ZNF34: variants seen among roughly 807,000 people sequenced by gnomAD.
The protein encoded by ZNF34 is zinc finger protein 34 (KOX 32).
In ZNF34, 8 loss-of-function variants were observed where a neutral mutation model predicts 14.4. That is an observed-to-expected ratio of 0.55 (90% CI 0.33 to 1.00). ZNF34 has a LOEUF of 1.00. Among genes scored for constraint, ZNF34 ranks in the 50% least tolerant of loss-of-function variants. ZNF34 has a pLI of 0.03. For synonymous variants in ZNF34, 235 were observed against 247.9 expected (o/e 0.95, Z 0.49); for missense variants, 538 against 674.2 (o/e 0.80, Z 2.24).
rs1825230389 is a variant in ZNF34, at chr8:144,772,339, T to C, written c.*927A>G. ...GGGGAAATGAAGAGTTATTATTTAA[T>C]AGGTACAGGGTTTCTGTTTGGAGTA... On this transcript the variant is annotated 3_prime_UTR_variant, in exon 6 of 6. Transcript: ENST00000429371. 6.6e-6 allele frequency among the ~76,000 whole-genome samples: 1 copy of C among 152,162 alleles called. No homozygotes were observed. The highest frequency in any genetic ancestry group is 1.5e-5 in the Non-Finnish European group (1 of 68,034).
rs1312830207 is a variant in ZNF34 at position 144,774,518 on chromosome 8, G to A, written c.368C>T (p.Ala123Val). The change falls in exon 6 of 6, where the codon GCC (alanine) becomes GTC (valine). Residue 123 changes from alanine to valine, a missense_variant. Ala to Val is a moderately conservative substitution (Grantham distance 64, BLOSUM62 0). Transcript: ENST00000429371. ...CTCTGACTTACTGATGTGGTCACAG[G>A]CTTCTACTGGCTCAGATCCCTGGGG... ...EDPQGSEPVE[A>V]CDHISKSEGS... is the part of the protein sequence containing the mutation. The A allele has an allele frequency of 1.2e-6, 2 of 1,613,808 alleles. No homozygotes were observed. Among genetic ancestry groups the A allele is most frequent in the Non-Finnish European group, 1.7e-6 (2 of 1,179,898 alleles).
intron 1 of ZNF34, among the ~76,000 whole-genome samples, chr8:144,780,958 CCCTGTCTCT>C (rs1825834559): frequency 6.7e-6 from 1 of 149,582 alleles, no homozygotes; most frequent in Admixed American, 6.7e-5. Context: ...GACGGTGAAA[CCCTGTCTCT>C]ACCGAAAATA....
At chr8:144,786,804 G>A (rs1468584873) in intron 1 of ZNF34, among the ~76,000 whole-genome samples, 1 of 152,046 alleles carries the variant, frequency 6.6e-6, no homozygotes, top group East Asian at 1.9e-4. Flanking sequence ...GAGGAGCACT[G>A]GCGGAGCGCG....
intron 5 of ZNF34, among the ~76,000 whole-genome samples, chr8:144,776,755 C>A (rs112847564): frequency 0.073 from 11,112 of 151,556 alleles, 1,372 homozygotes; most frequent in African/African-American, 0.26. Context: ...GTAAAAAAAT[C>A]AAAAAATTAG....
At chr8:144,778,615 C>A in intron 2 of ZNF34, 90 bp from the exon 3 acceptor site, 1 of 1,038,856 alleles carries the variant, frequency 9.6e-7, no homozygotes, top group Non-Finnish European at 1.3e-6. Flanking sequence ...ACAGCCCTGC[C>A]TGCCTCACTG....
chr8:144,774,324 A>G lies in ZNF34; in HGVS notation c.562T>C (p.Tyr188His). ...ICEQSFEQRSYLNNHKRVHRS... is the reference protein window; with the variant it reads ...ICEQSFEQRSHLNNHKRVHRS... The stretch of plus-strand genomic sequence containing the variant: ...TGTACACGCTTATGGTTGTTGAGAT[A>G]TGATCTCTGTTCAAAACTTTGCTCA... The change falls in exon 6 of 6, where the codon TAT becomes CAT. Residue 188 changes from tyrosine to histidine, a missense_variant. Coordinates refer to ENST00000429371, the MANE Select transcript of ZNF34 (RefSeq NM_001286769.2). 6.2e-7 allele frequency: 1 copy of G among 1,612,364 alleles called. No individual in the cohort carries two copies.
In ZNF34 at chr8:144,773,228, T is replaced by A; in HGVS notation, c.*38A>T. 1 of 1,556,158 alleles carries A rather than the reference T, an allele frequency of 6.4e-7. No individual in the cohort carries two copies. Among genetic ancestry groups the A allele is most frequent in the Non-Finnish European group, 8.7e-7 (1 of 1,147,602 alleles). On this transcript the variant is annotated 3_prime_UTR_variant, in exon 6 of 6. Coordinates refer to ENST00000429371, the MANE Select transcript of ZNF34 (RefSeq NM_001286769.2). This position sits in a 1 kb window ranked among gnomAD's most constrained non-coding sequence, Gnocchi z 5.4. Reference sequence around the variant, plus strand: ...AGGTGCCGGGGGCGCATGCAGGAAGTGCTCAGCTGGACTCTGCCCTCGGAC... The same window carrying A: ...AGGTGCCGGGGGCGCATGCAGGAAGAGCTCAGCTGGACTCTGCCCTCGGAC...
At chr8:144,785,769 ACTCG>A (rs947827954) in intron 1 of ZNF34, among the ~76,000 whole-genome samples, 4 of 152,206 alleles carry the variant, frequency 2.6e-5, no homozygotes, top group African/African-American at 9.6e-5. Flanking sequence ...GGGAAACCCC[ACTCG>A]AAGTATGTAC....
chr8:144,779,147 C>A lies in ZNF34; in HGVS notation c.-54-622G>T, dbSNP rs1210155344. 1.3e-5 allele frequency among the ~76,000 whole-genome samples: 2 copies of A among 152,134 alleles called. No homozygotes were observed. Among genetic ancestry groups the A allele is most frequent in the Non-Finnish European group, 2.9e-5 (2 of 68,024 alleles). ...GAATCCAGGGCTCAGGGCACAAAAC[C>A]CCTCGTGGCTTGGATGGAATCCAGG... On this transcript the variant is annotated intron_variant, in intron 2 of 5. Transcript: ENST00000429371. The surrounding 1 kb of genome is among the most constrained non-coding windows in gnomAD (Gnocchi z 4.1).
chr8:144,786,967 T>A (rs1043179406), intron 1 of ZNF34, among the ~76,000 whole-genome samples: 10 of 151,842 alleles, frequency 6.6e-5, no homozygotes, highest in African/African-American at 2.4e-4. Context: ...CTGGAGCGCA[T>A]CGGGACGCAG....
intron 1 of ZNF34, among the ~76,000 whole-genome samples, chr8:144,785,846 TAGA>T (rs200597444): frequency 0.017 from 2,658 of 152,146 alleles, 60 homozygotes; most frequent in Admixed American, 0.072. Context: ...TGTGCCTGTG[TAGA>T]AGAAGAAAAA....
intron 1 of ZNF34, among the ~76,000 whole-genome samples, chr8:144,783,563 C>T (rs1320916890): frequency 6.6e-6 from 1 of 152,120 alleles, no homozygotes; most frequent in Non-Finnish European, 1.5e-5. Flanking sequence ...AATACCACTT[C>T]TATTTGTCAG....
In ZNF34 at chr8:144,781,421, A is replaced by AT. The variant is rs997384392; in HGVS notation, c.-107-1142dup. On this transcript the variant is annotated intron_variant, in intron 1 of 5. Coordinates refer to ENST00000429371, the MANE Select transcript of ZNF34 (RefSeq NM_001286769.2). The stretch of plus-strand genomic sequence containing the variant: ...GTAGCTGGGACCACAGGTGCGTTTA[A>AT]TTTTTTTTGTATTTTTAGTAGAGAC... 1.4e-3 allele frequency among the ~76,000 whole-genome samples: 214 copies of AT among 151,238 alleles called. 3 individuals carry two copies. Among genetic ancestry groups the AT allele is most frequent in the Admixed American group, 9.2e-4 (14 of 15,154 alleles).
intron 5 of ZNF34, 88 bp from the exon 6 acceptor site, chr8:144,774,693 A>G: frequency 6.8e-7 from 1 of 1,472,220 alleles, no homozygotes; most frequent in Non-Finnish European, 9.1e-7. Flanking sequence ...GTGGGGAACC[A>G]ATTTGATCAT....
In ZNF34 at chr8:144,778,473, G is replaced by A. The variant is rs751927799; in HGVS notation, c.-2C>T. 6.3e-7 allele frequency: 1 copy of A among 1,592,574 alleles called. No individual in the cohort carries two copies. Among genetic ancestry groups the A allele is most frequent in the East Asian group, 2.3e-5 (1 of 44,218 alleles). ...GGCAGACAGGAACAAGGCCGCCATT[G>A]CCTGAGGGTTGGGCTTTCTGAGGGC... On this transcript the variant is annotated 5_prime_UTR_variant, in exon 3 of 6. Coordinates refer to ENST00000429371, the MANE Select transcript of ZNF34 (RefSeq NM_001286769.2).
chr8:144,776,257 A>G (rs1039104858), intron 5 of ZNF34, among the ~76,000 whole-genome samples: 1 of 149,548 alleles, frequency 6.7e-6, no homozygotes, highest in Non-Finnish European at 1.5e-5. Flanking sequence ...GGTTGCAGTG[A>G]GCCGAGATCA....
rs1225444003 is a variant in ZNF34 at position 144,773,452 on chromosome 8, T to C, written c.1434A>G (p.Gly478=). 1 of 1,613,586 alleles carries C rather than the reference T, an allele frequency of 6.2e-7. No individual in the cohort carries two copies. Among genetic ancestry groups the C allele is most frequent in the South Asian group, 1.1e-5 (1 of 91,048 alleles). Residue 478 remains glycine (G), a synonymous_variant, in exon 6 of 6, where the codon GGA becomes GGG. Transcript: ENST00000429371. The surrounding 1 kb of genome is among the most constrained non-coding windows in gnomAD (Gnocchi z 5.4). ...AATCGCTGCATCTGTAGGGTTTCTC[T>C]CCGTGGTGCAGCCTCTGGTGGTGGA... ...RLIHHQRLHH[G]EKPYRCSDCK... is the part of the protein sequence containing the mutation.
Position 144,777,438 on chromosome 8 carries a change from G to A in ZNF34, c.280+20C>T. The A allele has an allele frequency of 6.4e-7, 1 of 1,550,636 alleles. No homozygotes were observed. The stretch of plus-strand genomic sequence containing the variant: ...GGCTCGTTCGGTGACTTGAGTTGGG[G>A]AGCAGATCCCCTCACGCACCTGGGC... On this transcript the variant is annotated intron_variant, in intron 5 of 5. Coordinates refer to ENST00000429371, the MANE Select transcript of ZNF34 (RefSeq NM_001286769.2). The surrounding 1 kb of genome is among the most constrained non-coding windows in gnomAD (Gnocchi z 4.8).
At chr8:144,776,708 G>A (rs916333989) in intron 5 of ZNF34, among the ~76,000 whole-genome samples, 17 of 152,072 alleles carry the variant, frequency 1.1e-4, no homozygotes, top group Non-Finnish European at 1.8e-4. Flanking sequence ...CTAGGAGTTC[G>A]AGACAAGCCT....
Sources: allele counts gnomAD v4.1 joint callset (sites outside exome capture counted in the v4.1 genomes callset), GRCh38; gene constraint gnomAD v4.1.1; non-coding constraint Gnocchi (gnomAD v3.1); transcripts MANE v1.5; gene names NCBI Gene and HGNC (gene_info 2026-07-23, HGNC 2026-07-21).